PCDHGA5: variants seen among roughly 807,000 people sequenced by gnomAD.
PCDHGA5 encodes the protein protocadherin gamma-A5.
PCDHGA5 carries 36 observed loss-of-function variants against 56.7 expected under a neutral mutation model. The ratio of observed to expected loss-of-function variants is 0.64; its 90% CI spans 0.49 to 0.84. The LOEUF is 0.84. Ranked by LOEUF, PCDHGA5 falls within the 40% of genes least tolerant of loss-of-function variation. The probability of loss-of-function intolerance (pLI) is 0.00; values close to 1 mark genes in which losing one functional copy is unlikely to be tolerated. For missense variants in PCDHGA5, 1,305 were observed against 1,201.5 expected, an observed-to-expected ratio of 1.09 and a Z score of -1.27; for synonymous variants, 563 against 520.2, an observed-to-expected ratio of 1.08 and a Z score of -1.12.
intron 1 of PCDHGA5, among the ~76,000 whole-genome samples, chr5:141,437,310 C>T (rs1226274834): frequency 6.6e-6 from 1 of 152,166 alleles, no homozygotes; most frequent in Non-Finnish European, 1.5e-5. Flanking sequence ...TTAAAGCGTT[C>T]AGCTATAATT....
At chr5:141,402,103 A>C (rs565155809) in intron 1 of PCDHGA5, among the ~76,000 whole-genome samples, 3 of 152,336 alleles carry the variant, frequency 2.0e-5, no homozygotes, top group African/African-American at 4.8e-5. Flanking sequence ...TTAAGCAATT[A>C]CAAAAATGTG....
At chr5:141,446,055 G>A (rs1431833512) in intron 1 of PCDHGA5, among the ~76,000 whole-genome samples, 1 of 152,190 alleles carries the variant, frequency 6.6e-6, no homozygotes, top group Non-Finnish European at 1.5e-5. Flanking sequence ...AGCTGGCTTG[G>A]ATTAAAGGGG....
intron 1 of PCDHGA5, chr5:141,408,367 G>T: frequency 6.2e-7 from 1 of 1,613,998 alleles, no homozygotes; most frequent in Non-Finnish European, 8.5e-7. Context: ...AGGATCTAGG[G>T]CTCAGTGTCC....
intron 1 of PCDHGA5, chr5:141,427,312 C>T (rs1438759401): frequency 4.4e-6 from 2 of 456,954 alleles, no homozygotes; most frequent in East Asian, 6.9e-5. Context: ...GACAATGCCC[C>T]AGACGTGGTT....
At chr5:141,506,829 T>C (rs1449718553) in intron 3 of PCDHGA5, among the ~76,000 whole-genome samples, 1 of 152,182 alleles carries the variant, frequency 6.6e-6, no homozygotes, top group African/African-American at 2.4e-5. Context: ...CATGAACTGA[T>C]AGCCCTGCCC....
At chr5:141,388,827 A>T (rs376001893) in intron 1 of PCDHGA5, 4 of 1,614,024 alleles carry the variant, frequency 2.5e-6, no homozygotes, top group Non-Finnish European at 2.5e-6. Flanking sequence ...AGAATATTCC[A>T]TAGTTTTGGA....
chr5:141,469,974 T>C (rs1456176152), intron 1 of PCDHGA5, among the ~76,000 whole-genome samples: 1 of 151,864 alleles, frequency 6.6e-6, no homozygotes, highest in African/African-American at 2.4e-5. Context: ...GTACCAAAAA[T>C]ACAAAAATTA....
intron 1 of PCDHGA5, among the ~76,000 whole-genome samples, chr5:141,386,767 T>A (rs749741311): frequency 5.3e-5 from 8 of 152,202 alleles, no homozygotes; most frequent in Non-Finnish European, 1.0e-4. Flanking sequence ...TTATAAGGTA[T>A]TTTGTAAAAG....
intron 1 of PCDHGA5, chr5:141,389,710 C>T: frequency 6.2e-7 from 1 of 1,612,586 alleles, no homozygotes; most frequent in Non-Finnish European, 8.5e-7. Flanking sequence ...GTGCTGCAGG[C>T]TAGCGAGCCC....
intron 1 of PCDHGA5, chr5:141,370,790 C>A: frequency 6.2e-7 from 1 of 1,614,040 alleles, no homozygotes; most frequent in Non-Finnish European, 8.5e-7. Context: ...ACCCACCGAC[C>A]TTTAGCCAAA....
chr5:141,410,778 G>T, intron 1 of PCDHGA5: 3 of 818,726 alleles, frequency 3.7e-6, no homozygotes, highest in Non-Finnish European at 3.4e-6. Flanking sequence ...TTTTCACTAT[G>T]TATTTGGTTC....
At position 141,476,827 on chromosome 5, in the gene PCDHGA5, G is replaced by A; in HGVS notation, c.2422-17980G>A. On this transcript the variant is annotated intron_variant, in intron 1 of 3. Transcript: ENST00000518069. The surrounding 1 kb of genome is among the most constrained non-coding windows in gnomAD (Gnocchi z 7.6). ...CTATTCACATCAAGGTGCTGGACGC[G>A]AATGACAATGCGCCTGTCTTCAACC... The A allele has an allele frequency of 1.2e-6, 2 of 1,613,542 alleles. No individual in the cohort carries two copies. Among genetic ancestry groups the A allele is most frequent in the Non-Finnish European group, 1.7e-6 (2 of 1,180,046 alleles).
At chr5:141,437,249 T>G (rs2097870737) in intron 1 of PCDHGA5, among the ~76,000 whole-genome samples, 1 of 152,240 alleles carries the variant, frequency 6.6e-6, no homozygotes, top group African/African-American at 2.4e-5. Context: ...GGACTTTCCT[T>G]GTCTTTTTAT....
chr5:141,455,961 G>C (rs1447678052), intron 1 of PCDHGA5, among the ~76,000 whole-genome samples: 1 of 150,954 alleles, frequency 6.6e-6, no homozygotes, highest in African/African-American at 2.4e-5. Context: ...GCAGTGGCGC[G>C]ATCTCAGCTC....
At position 141,431,321 on chromosome 5, in the gene PCDHGA5, G is replaced by T. The variant is rs112186927; in HGVS notation, c.2422-63486G>T. 1,258 of 1,614,054 alleles carry T rather than the reference G, an allele frequency of 7.8e-4. 11 individuals are homozygous for T. In the African/African-American group the frequency reaches 0.014, roughly 18 times the overall value. Reference sequence around the variant, plus strand: ...CCTCATCGTGCAAAATGGAGCCGACGGTAGTAAGTACCCCGAATTGGTGCT... The same window carrying T: ...CCTCATCGTGCAAAATGGAGCCGACTGTAGTAAGTACCCCGAATTGGTGCT... On this transcript the variant is annotated intron_variant, in intron 1 of 3. Transcript: ENST00000518069. This position sits in a 1 kb window ranked among gnomAD's most constrained non-coding sequence, Gnocchi z 4.8.
chr5:141,377,906 C>T (rs777974750), intron 1 of PCDHGA5: 1 of 152,280 alleles, frequency 6.6e-6, no homozygotes, highest in Non-Finnish European at 1.5e-5. Context: ...GTTGCCCAGT[C>T]TGGAGTAAAA....
intron 1 of PCDHGA5, among the ~76,000 whole-genome samples, chr5:141,471,145 G>T (rs569617031): frequency 3.4e-4 from 50 of 148,740 alleles, no homozygotes; most frequent in Non-Finnish European, 5.4e-4. Flanking sequence ...TGCCTCCTGG[G>T]TTCAAGTGAT....
intron 3 of PCDHGA5, among the ~76,000 whole-genome samples, chr5:141,506,417 A>C (rs1326078146): frequency 6.8e-6 from 1 of 147,658 alleles, no homozygotes; most frequent in Non-Finnish European, 1.5e-5. Context: ...ACTGCACTCC[A>C]GCCTGGGCAA....
At chr5:141,470,851 A>G (rs1410012138) in intron 1 of PCDHGA5, among the ~76,000 whole-genome samples, 2 of 151,876 alleles carry the variant, frequency 1.3e-5, no homozygotes, top group Non-Finnish European at 2.9e-5. Context: ...CCATGCTCAG[A>G]TAAGTTTTTT....
Sources: gnomAD v4.1 joint callset for allele counts (sites outside exome capture counted in the v4.1 genomes callset) on GRCh38, gnomAD v4.1.1 for gene constraint, Gnocchi (gnomAD v3.1) non-coding constraint, MANE v1.5 for transcripts, NCBI Gene and HGNC (gene_info 2026-07-23, HGNC 2026-07-21) for gene names.